Variants in ARHGEF37 observed in about 807,000 individuals in gnomAD.
The protein encoded by ARHGEF37 is Rho guanine nucleotide exchange factor 37.
Under a neutral mutation model 71.1 loss-of-function variants are expected in ARHGEF37, and 55 were observed. The ratio of observed to expected loss-of-function variants is 0.77; its 90% CI spans 0.62 to 0.97. The LOEUF is 0.97. Ranked by LOEUF, ARHGEF37 falls within the 50% of genes least tolerant of loss-of-function variation. The pLI is 0.00. For missense variants in ARHGEF37, 765 were observed against 836.8 expected, an observed-to-expected ratio of 0.91 and a Z score of 1.06; for synonymous variants, 327 against 350.6, an observed-to-expected ratio of 0.93 and a Z score of 0.75.
intron 1 of ARHGEF37, among the ~76,000 whole-genome samples, chr5:149,593,932 A>G (rs1310138945): frequency 2.0e-5 from 3 of 152,114 alleles, no homozygotes; most frequent in Admixed American, 2.0e-4. Context: ...ATTGTACTTC[A>G]TTTCTTTTAT....
At chr5:149,564,815 ACT>A (rs1273522240) in intron 1 of ARHGEF37, among the ~76,000 whole-genome samples, 2 of 151,994 alleles carry the variant, frequency 1.3e-5, no homozygotes, top group African/African-American at 2.4e-5. Context: ...CAAGAGTGAA[ACT>A]CTCTCAAAAA....
chr5:149,602,624 C>G (rs1041196759), intron 3 of ARHGEF37, among the ~76,000 whole-genome samples: 14 of 151,690 alleles, frequency 9.2e-5, no homozygotes, highest in African/African-American at 3.4e-4. Flanking sequence ...GGAGGATAGT[C>G]TTCTTATTCT....
chr5:149,582,405 G>T (rs1193905935), intron 1 of ARHGEF37, among the ~76,000 whole-genome samples: 2 of 152,212 alleles, frequency 1.3e-5, no homozygotes, highest in Admixed American at 6.5e-5. Flanking sequence ...AGGAGTACCT[G>T]CTGTGCGTCC....
chr5:149,626,771 AC>A (rs1752696749), intron 10 of ARHGEF37: 1 of 239,248 alleles, frequency 4.2e-6, no homozygotes, highest in African/African-American at 2.2e-5. Context: ...GGGATAACTT[AC>A]CCTGACGGTA....
chr5:149,614,050 C>A (rs1265900801), intron 4 of ARHGEF37, among the ~76,000 whole-genome samples: 1 of 152,048 alleles, frequency 6.6e-6, no homozygotes, highest in Non-Finnish European at 1.5e-5. Context: ...AAGCATGAGC[C>A]ACTGCGCCCA....
At chr5:149,628,250 A>G (rs1483086051) in intron 11 of ARHGEF37, among the ~76,000 whole-genome samples, 1 of 152,148 alleles carries the variant, frequency 6.6e-6, no homozygotes, top group Non-Finnish European at 1.5e-5. Flanking sequence ...AATGGAGAGG[A>G]TAATATCACT....
In ARHGEF37 at chr5:149,632,020, T is replaced by C. The variant is rs374411323; in HGVS notation, c.1857T>C (p.His619=). The C allele has an allele frequency of 1.9e-6, 3 of 1,614,064 alleles. No homozygotes were observed. Among genetic ancestry groups the C allele is most frequent in the Non-Finnish European group, 1.7e-6 (2 of 1,180,028 alleles). ...ACCCTTTTGTGGCCAGAAGCAGCCATGAAGTGAGCCTGCAGGCAGGCCAGC... is the reference window on the plus strand; with the variant it reads ...ACCCTTTTGTGGCCAGAAGCAGCCACGAAGTGAGCCTGCAGGCAGGCCAGC... ...AAYPFVARSS[H]EVSLQAGQPV... The change falls in exon 13 of 13, where the codon CAT becomes CAC. Residue 619 remains histidine (H), a synonymous_variant. Transcript: ENST00000333677.
rs558717413 is a variant in ARHGEF37 at position 149,570,676 on chromosome 5, G to C, written c.-12+18553G>C. 1.6e-4 allele frequency among the ~76,000 whole-genome samples: 24 copies of C among 151,542 alleles called. No individual in the cohort carries two copies. In the South Asian group the frequency reaches 4.8e-3, roughly 30 times the overall value. On this transcript the variant is annotated intron_variant, in intron 1 of 2. Transcript: ENST00000505810. ...GCGGATCACGAGGTCAGGAGTTCAA[G>C]ACCACCCTGGCCAATATGGTGAAAC...
At chr5:149,627,968 C>A (rs756894878) in intron 11 of ARHGEF37, among the ~76,000 whole-genome samples, 4 of 152,138 alleles carry the variant, frequency 2.6e-5, no homozygotes, top group Non-Finnish European at 4.4e-5. Context: ...TATAAGTAGT[C>A]CATAATTCCA....
At chr5:149,561,896 C>A (rs1008313167) in intron 1 of ARHGEF37, among the ~76,000 whole-genome samples, 7 of 152,030 alleles carry the variant, frequency 4.6e-5, no homozygotes, top group Non-Finnish European at 8.8e-5. Flanking sequence ...TTTTCTCAGC[C>A]CCTGTTCTCT....
chr5:149,598,062 G>A (rs1324140088), intron 2 of ARHGEF37, 107 bp downstream of exon 2: 28 of 1,329,072 alleles, frequency 2.1e-5, no homozygotes, highest in East Asian at 1.3e-4. Flanking sequence ...GAAAGGAAGC[G>A]TGGTAGATGT....
intron 4 of ARHGEF37, among the ~76,000 whole-genome samples, chr5:149,612,288 C>T (rs1451237325): frequency 6.6e-6 from 1 of 152,216 alleles, no homozygotes; most frequent in African/African-American, 2.4e-5. Context: ...CTGCCTCAGC[C>T]TCCCGAGTAG....
chr5:149,616,696 TCA>T lies in ARHGEF37; in HGVS notation c.589_590del (p.Gln197GlufsTer15), dbSNP rs1268309613. On this transcript the variant is annotated frameshift_variant, in exon 5 of 13. Transcript: ENST00000333677. LOFTEE classifies it high-confidence loss of function. Reference sequence around the variant, plus strand: ...CTGATGCCAGTGCCTATCCTGTCCTTCAGAGGGCTGTCTCTGCCCTCCAGGAC... The same window carrying T: ...CTGATGCCAGTGCCTATCCTGTCCTTGAGGGCTGTCTCTGCCCTCCAGGAC... ...VPDASAYPVL[Q>X]RAVSALQDVN... 6 of 1,613,938 alleles carry T rather than the reference TCA, an allele frequency of 3.7e-6. No individual in the cohort carries two copies. The East Asian group carries it at 1.1e-4, about 30-fold the overall frequency.
intron 1 of ARHGEF37, among the ~76,000 whole-genome samples, chr5:149,592,443 G>A (rs1433646880): frequency 1.3e-5 from 2 of 152,076 alleles, no homozygotes; most frequent in African/African-American, 2.4e-5. Flanking sequence ...TCATGCCCTC[G>A]AGAGCCATCC....
At chr5:149,619,407 C>A (rs1194990072) in intron 7 of ARHGEF37, among the ~76,000 whole-genome samples, 1 of 152,132 alleles carries the variant, frequency 6.6e-6, no homozygotes, top group Non-Finnish European at 1.5e-5. Flanking sequence ...CAATCCAATG[C>A]AATAGGAGCC....
chr5:149,558,715 GTGTGTGTGTGTGTGTGTGTGTGTATATA>G (rs1762787580), intron 1 of ARHGEF37, among the ~76,000 whole-genome samples: 1 of 134,344 alleles, frequency 7.4e-6, no homozygotes, highest in African/African-American at 3.2e-5. Context: ...GTGTGTGTGT[GTGTGTGTGTGTGTGTGTGTGTGTATATA>G]TATTTTTATA....
chr5:149,577,632 T>C (rs1182729034), upstream of ARHGEF37, among the ~76,000 whole-genome samples: 1 of 152,252 alleles, frequency 6.6e-6, no homozygotes, highest in Non-Finnish European at 1.5e-5. Flanking sequence ...TTCTCCAGGT[T>C]TGGAGCATTC....
chr5:149,577,344 T>C (rs1763038701), upstream of ARHGEF37, among the ~76,000 whole-genome samples: 1 of 152,154 alleles, frequency 6.6e-6, no homozygotes, highest in Non-Finnish European at 1.5e-5. Context: ...AAATTAGATA[T>C]GATCCCAAGA....
chr5:149,563,566 G>A (rs1762862565), intron 1 of ARHGEF37, among the ~76,000 whole-genome samples: 1 of 152,140 alleles, frequency 6.6e-6, no homozygotes, highest in South Asian at 2.1e-4. Flanking sequence ...AGAGCACTTT[G>A]TTTAGGCCAT....
Sources: gnomAD v4.1 joint callset for allele counts (sites outside exome capture counted in the v4.1 genomes callset) on GRCh38, gnomAD v4.1.1 for gene constraint, MANE v1.5 for transcripts, NCBI Gene and HGNC (gene_info 2026-07-23, HGNC 2026-07-21) for gene names.